The following UBE2J2 variants were observed in gnomAD, a reference collection of about 807,000 sequenced individuals.
UBE2J2 encodes ubiquitin-conjugating enzyme E2 J2.
Under a neutral mutation model 28.6 loss-of-function variants are expected in UBE2J2, and 5 were observed. The observed-to-expected ratio is 0.17, with a 90% CI of 0.09 to 0.37. The LOEUF is 0.37. Among genes scored for constraint, UBE2J2 ranks in the 10% least tolerant of loss-of-function variants. The probability of loss-of-function intolerance (pLI) is 1.00; values close to 1 mark genes in which losing one functional copy is unlikely to be tolerated. For synonymous variants in UBE2J2, 138 were observed against 139.7 expected, an observed-to-expected ratio of 0.99 and a Z score of 0.09; for missense variants, 226 against 338.9, an observed-to-expected ratio of 0.67 and a Z score of 2.62.
In UBE2J2 at chr1:1,257,796, CT is replaced by C. The variant is rs1639299971; in HGVS notation, c.173-487del. The stretch of plus-strand genomic sequence containing the variant: ...AGCACCGTTTGCTTCCCCGACCCAA[CT>C]GCACCCAAAGGCCAGCAAAACGCAC... On this transcript the variant is annotated intron_variant, in intron 3 of 6. Coordinates refer to ENST00000349431, the MANE Select transcript of UBE2J2 (RefSeq NM_058167.3). Among the ~76,000 whole-genome samples, 3 of 152,170 alleles carry C rather than the reference CT, an allele frequency of 2.0e-5. No homozygotes were observed. The South Asian group carries it at 6.2e-4, about 32-fold the overall frequency.
intron 5 of UBE2J2, 50 bp downstream of exon 5, chr1:1,256,942 C>G (rs372828954): frequency 7.1e-7 from 1 of 1,401,572 alleles, no homozygotes. Flanking sequence ...AGAGAACAGC[C>G]CCCCAGACAC....
rs937295471 is a variant in UBE2J2 at position 1,263,288 on chromosome 1, G to A, written c.172+58C>T. 1.4e-5 allele frequency: 20 copies of A among 1,469,978 alleles called. No individual in the cohort carries two copies. The South Asian group carries it at 2.2e-4, about 16-fold the overall frequency. The allele number at this position is 1,469,978 out of a possible 1,614,324, so 91.1% of individuals were successfully genotyped here. ...CAAATAAAAGATGTTGAACAGGCAA[G>A]GCTGACTGAGAATATAAAAACCGCC... On this transcript the variant is annotated intron_variant, in intron 3 of 6. Coordinates refer to ENST00000349431, the MANE Select transcript of UBE2J2 (RefSeq NM_058167.3).
At chr1:1,270,569 A>G (rs2100246283) in intron 1 of UBE2J2, among the ~76,000 whole-genome samples, 1 of 151,904 alleles carries the variant, frequency 6.6e-6, no homozygotes, top group South Asian at 2.1e-4. Flanking sequence ...TCCCACTCTC[A>G]TTATCTTCTC....
intron 5 of UBE2J2, 46 bp from the exon 6 acceptor site, chr1:1,256,171 C>A (rs1557548049): frequency 1.4e-6 from 2 of 1,392,420 alleles, no homozygotes; most frequent in South Asian, 1.2e-5. Context: ...AATTTCAATT[C>A]TTTCAAGATT....
chr1:1,263,478 CAAAATTACATTCACATTCAGGCAGTGA>C, intron 2 of UBE2J2, 92 bp from the exon 3 acceptor site: 2 of 1,113,270 alleles, frequency 1.8e-6, no homozygotes, highest in East Asian at 4.7e-5. Flanking sequence ...AGAACCCAGC[CAAAATTACATTCACATTCAGGCAGTGA>C]ACAAATGAAG....
At chr1:1,258,018 C>G (rs1446587167) in intron 3 of UBE2J2, among the ~76,000 whole-genome samples, 3 of 151,946 alleles carry the variant, frequency 2.0e-5, no homozygotes, top group Non-Finnish European at 4.4e-5. Flanking sequence ...GGGTCACCCA[C>G]ACGTTCCCAC....
At chr1:1,259,105 T>TGTGCATGCCATCAGGACGCAC (rs1639393112) in intron 3 of UBE2J2, among the ~76,000 whole-genome samples, 1 of 144,150 alleles carries the variant, frequency 6.9e-6, no homozygotes, top group Admixed American at 6.8e-5. Context: ...TGTGCATGTG[T>TGTGCATGCCATCAGGACGCAC]GTGCATGCCA....
At chr1:1,267,338 GCCTGAGGGTCGGGGCA>G (rs2101087063) in intron 2 of UBE2J2, among the ~76,000 whole-genome samples, 1 of 152,356 alleles carries the variant, frequency 6.6e-6, no homozygotes, top group Admixed American at 6.5e-5. Context: ...CTCGTTGTCA[GCCTGAGGGTCGGGGCA>G]CCTGGCCCAA....
rs1640285014 is a variant in UBE2J2 at position 1,273,669 on chromosome 1, T to C, written c.-4A>G. ...GCAGGCCTGCGAGCGCGCTCACCTC[T>C]CCCTGTCGCTGCGCGTGGGCCGCCG... On this transcript the variant is annotated 5_prime_UTR_variant, in exon 1 of 7. Coordinates refer to ENST00000349431, the MANE Select transcript of UBE2J2 (RefSeq NM_058167.3). 1 of 152,142 alleles carries C rather than the reference T, an allele frequency of 6.6e-6. No homozygotes were observed. The highest frequency in any genetic ancestry group is 2.4e-5 in the African/African-American group (1 of 41,356). The allele number at this position is 152,142 out of a possible 1,614,324, so 9.4% of individuals were successfully genotyped here.
At chr1:1,261,234 G>A (rs1031141002) in intron 3 of UBE2J2, among the ~76,000 whole-genome samples, 8 of 152,356 alleles carry the variant, frequency 5.3e-5, no homozygotes, top group African/African-American at 1.2e-4. Context: ...GGAGGTCCGC[G>A]GGGACGGGAG....
chr1:1,269,460 ATT>A (rs1206586047), intron 1 of UBE2J2, among the ~76,000 whole-genome samples: 15 of 137,082 alleles, frequency 1.1e-4, no homozygotes, highest in Admixed American at 1.5e-4. Context: ...CTCAAACCTT[ATT>A]TTTTTTTTTT....
Position 1,268,687 on chromosome 1 carries a change from G to A in UBE2J2, c.1-695C>T, listed in dbSNP as rs1415930950. Among the ~76,000 whole-genome samples the A allele has an allele frequency of 6.6e-6, 1 of 152,152 alleles. No individual in the cohort carries two copies. Among genetic ancestry groups the A allele is most frequent in the East Asian group, 1.9e-4 (1 of 5,188 alleles). On this transcript the variant is annotated intron_variant, in intron 1 of 6. Transcript: ENST00000349431. This position sits in a 1 kb window ranked among gnomAD's most constrained non-coding sequence, Gnocchi z 4.7. ...GACTGGCCAGGGAGGCAGGGCCAGG[G>A]CATAAGAGTTTATTTACTTATTTTT...
chr1:1,263,415 T>C lies in UBE2J2; in HGVS notation c.132-29A>G, dbSNP rs146288701. On this transcript the variant is annotated intron_variant, in intron 2 of 6. Transcript: ENST00000349431. ...AGGGAGAGAAGAAAATTACTTGGGA[T>C]TTGAGGACAGCAAATTCTCCAAAAT... The C allele has an allele frequency of 3.4e-4, 542 of 1,604,688 alleles. 3 individuals are homozygous for C. In the African/African-American group the frequency reaches 6.3e-3, roughly 19 times the overall value.
At chr1:1,266,700 G>T (rs534766880) in intron 2 of UBE2J2, among the ~76,000 whole-genome samples, 2 of 151,842 alleles carry the variant, frequency 1.3e-5, no homozygotes, top group Admixed American at 6.6e-5. Flanking sequence ...GGTGGCAGGC[G>T]CCTGTAGTCC....
intron 1 of UBE2J2, among the ~76,000 whole-genome samples, chr1:1,270,583 C>T (rs988735009): frequency 4.6e-5 from 7 of 152,156 alleles, no homozygotes; most frequent in African/African-American, 1.2e-4. Flanking sequence ...TCTTCTCTAA[C>T]GCAAAATGTC....
At chr1:1,263,321 C>A in intron 3 of UBE2J2, 25 bp downstream of exon 3, 2 of 1,609,126 alleles carry the variant, frequency 1.2e-6, no homozygotes, top group Non-Finnish European at 1.7e-6. Context: ...GCCTGGTGTT[C>A]TTCTCCTAAG....
chr1:1,271,602 G>GT (rs1019086309), intron 1 of UBE2J2: 1 of 151,868 alleles, frequency 6.6e-6, no homozygotes, highest in African/African-American at 2.4e-5. Context: ...GCATTCTCAC[G>GT]TCCCCCAGGA....
rs574045338 is a variant in UBE2J2 at position 1,259,759 on chromosome 1, C to T, written c.173-2449G>A. Reference sequence around the variant, plus strand: ...ACGCCCCACATGGACTGTGCAGCCACACCACGGAGTCCCCCACAGTCACAG... The same window carrying T: ...ACGCCCCACATGGACTGTGCAGCCATACCACGGAGTCCCCCACAGTCACAG... On this transcript the variant is annotated intron_variant, in intron 3 of 6. Coordinates refer to ENST00000349431, the MANE Select transcript of UBE2J2 (RefSeq NM_058167.3). Among the ~76,000 whole-genome samples, 5 of 152,322 alleles carry T rather than the reference C, an allele frequency of 3.3e-5. 1 individual carries two copies. The South Asian group carries it at 1.0e-3, about 32-fold the overall frequency.
intron 1 of UBE2J2, among the ~76,000 whole-genome samples, chr1:1,272,667 C>G (rs1221579578): frequency 6.6e-6 from 1 of 152,074 alleles, no homozygotes. Flanking sequence ...GGCTCACCTG[C>G]CTGTCACTCA....
Sources: gnomAD v4.1 joint callset for allele counts (sites outside exome capture counted in the v4.1 genomes callset) on GRCh38, gnomAD v4.1.1 for gene constraint, Gnocchi (gnomAD v3.1) non-coding constraint, MANE v1.5 for transcripts, NCBI Gene and HGNC (gene_info 2026-07-23, HGNC 2026-07-21) for gene names.